ROBO2: variants seen among roughly 807,000 people sequenced by gnomAD.
The protein encoded by ROBO2 is roundabout homolog 2.
ROBO2 carries 53 observed loss-of-function variants against 160.8 expected under a neutral mutation model. That is an observed-to-expected ratio of 0.33 (90% CI 0.26 to 0.41). The LOEUF (loss-of-function observed/expected upper bound fraction) is 0.41, where lower values mean the gene tolerates loss of function less well. Among genes scored for constraint, ROBO2 ranks in the 10% least tolerant of loss-of-function variants. The probability of loss-of-function intolerance (pLI) is 1.00; values close to 1 mark genes in which losing one functional copy is unlikely to be tolerated. For missense variants in ROBO2, 1,577 were observed against 1,722.4 expected, an observed-to-expected ratio of 0.92 and a Z score of 1.49; for synonymous variants, 664 against 611.7, an observed-to-expected ratio of 1.09 and a Z score of -1.26.
At chr3:75,934,281 G>A (rs1947673154) in intron 1 of ROBO2, among the ~76,000 whole-genome samples, 1 of 152,138 alleles carries the variant, frequency 6.6e-6, no homozygotes, top group African/African-American at 2.4e-5. Context: ...CCAGGCTTTA[G>A]GAGTTATTTT....
chr3:77,480,681 G>A (rs776589245), intron 3 of ROBO2, among the ~76,000 whole-genome samples: 1 of 152,074 alleles, frequency 6.6e-6, no homozygotes, highest in Non-Finnish European at 1.5e-5. Context: ...TGCCTAGTAA[G>A]TATGGATATA....
chr3:76,989,524 A>G (rs563846393), intron 2 of ROBO2, among the ~76,000 whole-genome samples: 1 of 152,172 alleles, frequency 6.6e-6, no homozygotes, highest in East Asian at 1.9e-4. Context: ...TTAGAAGACA[A>G]CATTTGAGAT....
intron 2 of ROBO2, among the ~76,000 whole-genome samples, chr3:76,393,067 C>T (rs1384087035): frequency 6.6e-6 from 1 of 152,160 alleles, no homozygotes; most frequent in African/African-American, 2.4e-5. Flanking sequence ...AAGTATCAAA[C>T]AGGTGACAGC....
rs181759756 is a variant in ROBO2, at chr3:76,361,368, C to T, written c.109+423766C>T. Among the ~76,000 whole-genome samples, 4 of 152,160 alleles carry T rather than the reference C, an allele frequency of 2.6e-5. No individual in the cohort carries two copies. The East Asian group carries it at 7.8e-4, about 29-fold the overall frequency. On this transcript the variant is annotated intron_variant, in intron 2 of 26. Transcript: ENST00000487694. Reference sequence around the variant, plus strand: ...CAGTGGGATATTGCTGAGAAAATAACAGAAAGTACTATTTATCCAAATTTA... The same window carrying T: ...CAGTGGGATATTGCTGAGAAAATAATAGAAAGTACTATTTATCCAAATTTA...
intron 16 of ROBO2, among the ~76,000 whole-genome samples, chr3:77,580,985 A>G (rs1308808786): frequency 2.0e-5 from 3 of 152,126 alleles, no homozygotes; most frequent in African/African-American, 7.2e-5. Flanking sequence ...GTTGCCCTAC[A>G]TTGTCACCAA....
intron 2 of ROBO2, among the ~76,000 whole-genome samples, chr3:77,424,515 A>C (rs943713266): frequency 6.6e-6 from 1 of 152,226 alleles, no homozygotes; most frequent in Non-Finnish European, 1.5e-5. Context: ...ATACTTTGTC[A>C]AAGTGTTCTG....
intron 21 of ROBO2, among the ~76,000 whole-genome samples, chr3:77,615,299 C>G (rs2094746797): frequency 6.6e-6 from 1 of 152,162 alleles, no homozygotes; most frequent in Non-Finnish European, 1.5e-5. Context: ...AGGTTCTCCA[C>G]CAGAGTGGTA....
At chr3:77,018,445 T>G (rs2062420507) in intron 2 of ROBO2, among the ~76,000 whole-genome samples, 1 of 152,208 alleles carries the variant, frequency 6.6e-6, no homozygotes, top group African/African-American at 2.4e-5. Flanking sequence ...AAAAGAGGTA[T>G]TTTAAAAGAA....
chr3:76,894,666 C>G (rs893247610), intron 2 of ROBO2, among the ~76,000 whole-genome samples: 5 of 152,064 alleles, frequency 3.3e-5, no homozygotes, highest in Admixed American at 6.6e-5. Flanking sequence ...TAGTTGTAGG[C>G]CTCTCAATTG....
At chr3:76,265,169 C>T (rs1707020596) in intron 2 of ROBO2, among the ~76,000 whole-genome samples, 1 of 152,128 alleles carries the variant, frequency 6.6e-6, no homozygotes, top group Non-Finnish European at 1.5e-5. Flanking sequence ...CCTTTTTCTG[C>T]TTCAGAGCCT....
intron 1 of ROBO2, among the ~76,000 whole-genome samples, chr3:75,926,801 T>G (rs1388773408): frequency 1.3e-5 from 2 of 152,210 alleles, no homozygotes; most frequent in African/African-American, 4.8e-5. Context: ...GTTCACTAAT[T>G]TGAGTCATTA....
chr3:76,377,702 A>C (rs1325516639), intron 2 of ROBO2, among the ~76,000 whole-genome samples: 1 of 152,226 alleles, frequency 6.6e-6, no homozygotes, highest in East Asian at 1.9e-4. Flanking sequence ...TAACACATGC[A>C]TGACAGAGTC....
chr3:77,403,315 ATTC>A (rs1272878543), intron 2 of ROBO2, among the ~76,000 whole-genome samples: 3 of 152,164 alleles, frequency 2.0e-5, no homozygotes, highest in African/African-American at 7.2e-5. Flanking sequence ...TATTGAACTT[ATTC>A]TTCTATCTAG....
At chr3:77,066,024 G>C (rs2066804254) in intron 1 of ROBO2, among the ~76,000 whole-genome samples, 2 of 151,898 alleles carry the variant, frequency 1.3e-5, no homozygotes, top group African/African-American at 4.8e-5. Flanking sequence ...CTAGGTCATG[G>C]GTTTTTAAAA....
rs146018779 is a variant in ROBO2, at chr3:76,778,715, T to C, written c.110-319299T>C. Among the ~76,000 whole-genome samples the C allele has an allele frequency of 4.5e-3, 674 of 151,272 alleles. 5 individuals are homozygous for C. The highest frequency in any genetic ancestry group is 0.016 in the African/African-American group (645 of 41,414). On this transcript the variant is annotated intron_variant, in intron 2 of 26. Coordinates refer to the ROBO2 transcript ENST00000487694. Reference sequence around the variant, plus strand: ...CAATCTCTTTTTGCATGGTCTGATATGCAGATTTCAGTTACCACAGTTTAA... The same window carrying C: ...CAATCTCTTTTTGCATGGTCTGATACGCAGATTTCAGTTACCACAGTTTAA...
intron 2 of ROBO2, among the ~76,000 whole-genome samples, chr3:77,432,680 C>G (rs577221310): frequency 1.4e-4 from 21 of 152,266 alleles, no homozygotes; most frequent in African/African-American, 4.6e-4. Context: ...GTCCACAAAC[C>G]CAACTTTTCA....
intron 2 of ROBO2, among the ~76,000 whole-genome samples, chr3:76,467,631 G>T (rs897936057): frequency 5.9e-5 from 9 of 152,078 alleles, no homozygotes; most frequent in African/African-American, 1.9e-4. Flanking sequence ...GACCCTGATA[G>T]CTGTAAGTTC....
intron 19 of ROBO2, among the ~76,000 whole-genome samples, chr3:77,601,830 GT>G (rs2094436338): frequency 6.6e-6 from 1 of 152,202 alleles, no homozygotes; most frequent in African/African-American, 2.4e-5. Context: ...GGAAAGAGAT[GT>G]TTTTCATCTG....
chr3:77,210,378 A>G (rs891913970), intron 2 of ROBO2, among the ~76,000 whole-genome samples: 42 of 152,120 alleles, frequency 2.8e-4, no homozygotes, highest in African/African-American at 7.5e-4. Context: ...AAATATCTAC[A>G]AACAAGACAT....
Sources: allele counts gnomAD v4.1 joint callset (sites outside exome capture counted in the v4.1 genomes callset), GRCh38; gene constraint gnomAD v4.1.1; transcripts MANE v1.5; gene names NCBI Gene and HGNC (gene_info 2026-07-23, HGNC 2026-07-21).